NKAIN2: variants seen among roughly 807,000 people sequenced by gnomAD.
NKAIN2 encodes the protein sodium/potassium-transporting ATPase subunit beta-1-interacting protein 2.
In NKAIN2, 14 loss-of-function variants were observed where a neutral mutation model predicts 32.6. The ratio of observed to expected loss-of-function variants is 0.43; its 90% CI spans 0.28 to 0.67. The LOEUF is 0.67. NKAIN2 is among the 30% of genes least tolerant of loss of function. NKAIN2 has a pLI of 0.17. For missense variants in NKAIN2, 198 were observed against 258.3 expected (o/e 0.77, Z 1.60); for synonymous variants, 80 against 87.2 (o/e 0.92, Z 0.46).
intron 1 of NKAIN2, among the ~76,000 whole-genome samples, chr6:124,027,582 C>T (rs1034706652): frequency 6.6e-6 from 1 of 152,110 alleles, no homozygotes; most frequent in African/African-American, 2.4e-5. Flanking sequence ...GCGTATGTAT[C>T]ATTTACACAT....
At chr6:123,973,415 G>A (rs1399680982) in intron 1 of NKAIN2, among the ~76,000 whole-genome samples, 1 of 152,008 alleles carries the variant, frequency 6.6e-6, no homozygotes, top group South Asian at 2.1e-4. Flanking sequence ...GCTCAAAGGC[G>A]AGGTGGAAAG....
intron 1 of NKAIN2, among the ~76,000 whole-genome samples, chr6:123,913,183 T>A (rs1775309398): frequency 6.6e-6 from 1 of 152,196 alleles, no homozygotes; most frequent in African/African-American, 2.4e-5. Context: ...CCAACATAAT[T>A]TCCTAACATG....
At chr6:124,624,848 G>A (rs1783245219) in intron 3 of NKAIN2, among the ~76,000 whole-genome samples, 1 of 151,516 alleles carries the variant, frequency 6.6e-6, no homozygotes, top group South Asian at 2.1e-4. Context: ...TGAGCAAATG[G>A]TTATAAGTTA....
intron 1 of NKAIN2, among the ~76,000 whole-genome samples, chr6:123,804,854 C>G (rs1180817926): frequency 1.3e-5 from 2 of 152,136 alleles, no homozygotes; most frequent in Non-Finnish European, 2.9e-5. Context: ...GTGAACTCAG[C>G]AACACCATTG....
At chr6:124,399,991 A>C (rs1773558264) in intron 3 of NKAIN2, among the ~76,000 whole-genome samples, 1 of 152,204 alleles carries the variant, frequency 6.6e-6, no homozygotes, top group African/African-American at 2.4e-5. Context: ...GCTTCCTCCT[A>C]TTTGATAAAA....
chr6:124,041,786 A>G (rs182651499), intron 1 of NKAIN2, among the ~76,000 whole-genome samples: 24 of 152,242 alleles, frequency 1.6e-4, no homozygotes, highest in Non-Finnish European at 3.4e-4. Context: ...TGAATACAAA[A>G]TCACTGAATT....
At chr6:123,824,025 GC>G (rs1270321970) in intron 1 of NKAIN2, among the ~76,000 whole-genome samples, 2 of 152,110 alleles carry the variant, frequency 1.3e-5, no homozygotes, top group East Asian at 3.9e-4. Context: ...CTTTAGATTT[GC>G]CATTAACTGC....
At chr6:124,756,933 A>G (rs1000020792) in intron 4 of NKAIN2, among the ~76,000 whole-genome samples, 1 of 152,086 alleles carries the variant, frequency 6.6e-6, no homozygotes, top group African/African-American at 2.4e-5. Flanking sequence ...TATGGCTCTC[A>G]TGTAGTTTTC....
At chr6:124,394,904 T>C (rs1489966165) in intron 3 of NKAIN2, among the ~76,000 whole-genome samples, 3 of 152,050 alleles carry the variant, frequency 2.0e-5, no homozygotes, top group East Asian at 1.9e-4. Context: ...CCCCAGAAGA[T>C]TGTGCTTCAT....
Position 124,793,166 on chromosome 6 carries a change from G to C in NKAIN2, c.535+1767G>C, listed in dbSNP as rs535983314. On this transcript the variant is annotated intron_variant, in intron 5 of 6. Coordinates refer to ENST00000368417, the MANE Select transcript of NKAIN2 (RefSeq NM_001040214.3). ...TGGGCAATGGTGGGTACTGTGATAA[G>C]GGAAAAAGAGGAGACTGTTAGATTA... Among the ~76,000 whole-genome samples the C allele has an allele frequency of 7.2e-5, 11 of 152,156 alleles. No homozygotes were observed. The South Asian group carries it at 1.7e-3, about 23-fold the overall frequency.
At chr6:124,464,798 G>C (rs371823982) in intron 3 of NKAIN2, among the ~76,000 whole-genome samples, 1 of 152,032 alleles carries the variant, frequency 6.6e-6, no homozygotes, top group Non-Finnish European at 1.5e-5. Flanking sequence ...GTCAGGTCAC[G>C]TGATGCCTCC....
chr6:124,745,831 C>T (rs1777426483), intron 4 of NKAIN2, among the ~76,000 whole-genome samples: 1 of 151,690 alleles, frequency 6.6e-6, no homozygotes, highest in African/African-American at 2.4e-5. Context: ...GCCTACTTAC[C>T]AAAAATAACA....
intron 3 of NKAIN2, among the ~76,000 whole-genome samples, chr6:124,499,966 A>G (rs538194130): frequency 6.6e-6 from 1 of 152,312 alleles, no homozygotes; most frequent in South Asian, 2.1e-4. Context: ...TGAAAGTAGT[A>G]GTATACATTA....
At chr6:123,867,211 A>G (rs1772576949) in intron 1 of NKAIN2, among the ~76,000 whole-genome samples, 1 of 152,218 alleles carries the variant, frequency 6.6e-6, no homozygotes, top group Non-Finnish European at 1.5e-5. Flanking sequence ...AGTCATATCT[A>G]CTTTCCACTG....
At chr6:123,949,133 T>C (rs1302289027) in intron 1 of NKAIN2, among the ~76,000 whole-genome samples, 1 of 152,064 alleles carries the variant, frequency 6.6e-6, no homozygotes, top group Non-Finnish European at 1.5e-5. Flanking sequence ...CCTGTTTTTA[T>C]ACAAATACCA....
chr6:123,875,268 G>C (rs914070297), intron 1 of NKAIN2, among the ~76,000 whole-genome samples: 2 of 151,828 alleles, frequency 1.3e-5, no homozygotes, highest in African/African-American at 4.8e-5. Flanking sequence ...TGGTTAAAAC[G>C]TATGAACATG....
At chr6:124,409,565 G>C (rs934119257) in intron 3 of NKAIN2, among the ~76,000 whole-genome samples, 1 of 152,142 alleles carries the variant, frequency 6.6e-6, no homozygotes, top group Non-Finnish European at 1.5e-5. Flanking sequence ...TGGTGGATAA[G>C]CTTTTTGATG....
chr6:123,994,025 C>T (rs1332840281), intron 1 of NKAIN2, among the ~76,000 whole-genome samples: 1 of 152,016 alleles, frequency 6.6e-6, no homozygotes, highest in Non-Finnish European at 1.5e-5. Context: ...GCCAGATTGA[C>T]CACAGCCATC....
At chr6:123,880,685 TATC>T (rs1351412175) in intron 1 of NKAIN2, among the ~76,000 whole-genome samples, 1 of 152,212 alleles carries the variant, frequency 6.6e-6, no homozygotes, top group Non-Finnish European at 1.5e-5. Flanking sequence ...AGTTAGAACT[TATC>T]AGAATAAAAA....
Sources: allele counts gnomAD v4.1 joint callset (sites outside exome capture counted in the v4.1 genomes callset), GRCh38; gene constraint gnomAD v4.1.1; transcripts MANE v1.5; gene names NCBI Gene and HGNC (gene_info 2026-07-23, HGNC 2026-07-21).